The following FGF13 variants were observed in gnomAD, a reference collection of about 807,000 sequenced individuals.
The protein encoded by FGF13 is fibroblast growth factor 13.
Under a neutral mutation model 19.5 loss-of-function variants are expected in FGF13, and 2 were observed. That is an observed-to-expected ratio of 0.10 (90% confidence interval 0.04 to 0.32). The LOEUF (loss-of-function observed/expected upper bound fraction) is 0.32, where lower values mean the gene tolerates loss of function less well. Ranked by LOEUF, FGF13 falls within the 10% of genes least tolerant of loss-of-function variation. The pLI is 1.00. For synonymous variants in FGF13, 72 were observed against 76.9 expected (o/e 0.94, Z 0.33); for missense variants, 113 against 192.7 (o/e 0.59, Z 2.45).
chrX:139,165,751 C>T (rs2084079251), intron 1 of FGF13, among the ~76,000 whole-genome samples: 1 of 111,672 alleles, frequency 9.0e-6, no homozygotes, highest in African/African-American at 3.3e-5. Context: ...TTAAGCTTGG[C>T]TACATCCACA....
chrX:139,007,181 A>T (rs1214643760), intron 1 of FGF13, among the ~76,000 whole-genome samples: 1 of 112,350 alleles, frequency 8.9e-6, no homozygotes, highest in Admixed American at 9.4e-5. Flanking sequence ...GAAACCAAAA[A>T]AAGAGCAGTA....
At position 138,630,785 on chromosome X, in the gene FGF13, C is replaced by T. The variant is rs1258635634; in HGVS notation, c.*2065G>A. The T allele has an allele frequency of 1.8e-5, 2 of 111,625 alleles. No homozygotes were observed. The highest frequency in any genetic ancestry group is 3.8e-5 in the Non-Finnish European group (2 of 53,119). The allele number at this position is 111,625 out of a possible 1,213,427, so 9.2% of individuals were successfully genotyped here. On this transcript the variant is annotated 3_prime_UTR_variant, in exon 5 of 5. Transcript: ENST00000315930. The stretch of plus-strand genomic sequence containing the variant: ...CCATATACAGATGATCCTTCACTTA[C>T]GATGGGGGTCACATACCAATAAACC...
Position 138,624,046 on chromosome X carries a change from C to CA in FGF13, c.*8803dup, listed in dbSNP as rs2089035721. The CA allele has an allele frequency of 8.9e-6, 1 of 111,732 alleles. No homozygotes were observed. Among genetic ancestry groups the CA allele is most frequent in the African/African-American group, 3.3e-5 (1 of 30,756 alleles). 9.2% of individuals were successfully genotyped at this position (111,732 alleles called of 1,213,427 possible). On this transcript the variant is annotated 3_prime_UTR_variant, in exon 5 of 5. Transcript: ENST00000315930. ...TCTACAGAGTCAATGCAAGCACTAT[C>CA]AAAATCTTAATATAATTTTTTACAG... is the stretch of plus-strand genomic sequence containing the variant.
chrX:138,992,096 A>G (rs2092018598), intron 1 of FGF13, among the ~76,000 whole-genome samples: 1 of 39,484 alleles, frequency 2.5e-5, no homozygotes, highest in Non-Finnish European at 6.6e-5. Context: ...TTACATATAC[A>G]CATATATATA....
At chrX:139,033,153 T>C (rs2092236672) in intron 1 of FGF13, among the ~76,000 whole-genome samples, 1 of 109,345 alleles carries the variant, frequency 9.1e-6, no homozygotes, top group Middle Eastern at 4.3e-3. Context: ...CTGGATCATA[T>C]CAAATCAGAG....
chrX:139,114,183 C>G (rs975452361), intron 1 of FGF13, among the ~76,000 whole-genome samples: 3 of 111,765 alleles, frequency 2.7e-5, no homozygotes, highest in Non-Finnish European at 5.6e-5. Context: ...CTTGGAGGAT[C>G]TGAGTTATTT....
intron 3 of FGF13, among the ~76,000 whole-genome samples, chrX:138,770,655 T>C (rs918649674): frequency 7.1e-5 from 8 of 111,983 alleles, no homozygotes; most frequent in Middle Eastern, 4.6e-3. Flanking sequence ...CAGACTCTAA[T>C]TTCCTAGAAA....
chrX:138,683,142 G>C (rs763654431), intron 3 of FGF13, among the ~76,000 whole-genome samples: 1 of 111,582 alleles, frequency 9.0e-6, no homozygotes, highest in African/African-American at 3.3e-5. Flanking sequence ...AACTCCTTTT[G>C]TTGATCACTA....
chrX:139,152,515 G>A (rs983199992), intron 1 of FGF13, among the ~76,000 whole-genome samples: 27 of 109,763 alleles, frequency 2.5e-4, no homozygotes, highest in Non-Finnish European at 3.4e-4. Context: ...AATATGTGGG[G>A]GGAAAGGTTG....
intron 1 of FGF13, among the ~76,000 whole-genome samples, chrX:138,971,094 G>C (rs17001888): frequency 0.035 from 3,907 of 111,461 alleles, 166 homozygotes; most frequent in African/African-American, 0.12. Flanking sequence ...ACTGACCAAA[G>C]TGGCCCACAA....
intron 1 of FGF13, among the ~76,000 whole-genome samples, chrX:138,929,436 C>G (rs747685679): frequency 1.8e-5 from 2 of 111,165 alleles, no homozygotes; most frequent in Admixed American, 1.9e-4. Context: ...TAATCATGGA[C>G]TCTTCCAATA....
intron 1 of FGF13, among the ~76,000 whole-genome samples, chrX:139,159,673 CAG>C (rs1345204952): frequency 1.5e-5 from 1 of 66,113 alleles, no homozygotes; most frequent in Non-Finnish European, 2.7e-5. Flanking sequence ...AAAAAAAAAA[CAG>C]TGTGGGTTAT....
intron 1 of FGF13, among the ~76,000 whole-genome samples, chrX:139,111,219 G>A (rs2083598799): frequency 8.9e-6 from 1 of 111,816 alleles, no homozygotes; most frequent in Admixed American, 9.5e-5. Context: ...GCGACCATGA[G>A]GAGAAGCGGC....
intron 1 of FGF13, among the ~76,000 whole-genome samples, chrX:139,117,750 A>G (rs894439708): frequency 9.0e-6 from 1 of 111,590 alleles, no homozygotes; most frequent in African/African-American, 3.3e-5. Flanking sequence ...CCACATACAC[A>G]TTACATCTCA....
chrX:138,770,880 T>C (rs1381292390), intron 3 of FGF13, among the ~76,000 whole-genome samples: 1 of 111,785 alleles, frequency 8.9e-6, no homozygotes, highest in East Asian at 2.8e-4. Flanking sequence ...TGTACATGTC[T>C]GGGTCGGTGT....
At chrX:138,930,242 C>G (rs2091695418) in intron 1 of FGF13, among the ~76,000 whole-genome samples, 1 of 111,826 alleles carries the variant, frequency 8.9e-6, no homozygotes, top group Admixed American at 9.5e-5. Flanking sequence ...ATGCACTGTG[C>G]TAGGGTGTCT....
In FGF13 at chrX:138,630,845, C is replaced by T. The variant is rs751156003; in HGVS notation, c.*2005G>A. On this transcript the variant is annotated 3_prime_UTR_variant, in exon 5 of 5. Coordinates refer to ENST00000315930, the MANE Select transcript of FGF13 (RefSeq NM_004114.5). Reference sequence around the variant, plus strand: ...TTGAAAATGCATTTAATACACCTAACCTAGCAAACATCATAGCTTAGCCTA... The same window carrying T: ...TTGAAAATGCATTTAATACACCTAATCTAGCAAACATCATAGCTTAGCCTA... 2.7e-4 allele frequency: 30 copies of T among 112,308 alleles called. 1 individual carries two copies. The highest frequency in any genetic ancestry group is 9.4e-4 in the African/African-American group (29 of 30,994). 9.3% of individuals were successfully genotyped at this position (112,308 alleles called of 1,213,427 possible).
At chrX:138,806,440 G>A (rs1056185618) in intron 3 of FGF13, 1 of 112,124 alleles carries the variant, frequency 8.9e-6, no homozygotes, top group African/African-American at 3.3e-5. Context: ...CAACCCCGTC[G>A]AGGAAGTCAA....
intron 3 of FGF13, among the ~76,000 whole-genome samples, chrX:138,670,181 A>G (rs1161916085): frequency 8.9e-6 from 1 of 112,179 alleles, no homozygotes; most frequent in Non-Finnish European, 1.9e-5. Flanking sequence ...ATACACTTCA[A>G]GAGAGGGCTC....
Sources: gnomAD v4.1 joint callset for allele counts (sites outside exome capture counted in the v4.1 genomes callset) on GRCh38, gnomAD v4.1.1 for gene constraint, MANE v1.5 for transcripts, NCBI Gene and HGNC (gene_info 2026-07-23, HGNC 2026-07-21) for gene names.